The following MAF variants were observed in gnomAD, a reference collection of about 807,000 sequenced individuals.
MAF encodes MAF bZIP transcription factor.
MAF carries 10 observed loss-of-function variants against 22.0 expected under a neutral mutation model. That is an observed-to-expected ratio of 0.45 (90% CI 0.28 to 0.77). The LOEUF (loss-of-function observed/expected upper bound fraction) is 0.77, where lower values mean the gene tolerates loss of function less well. MAF is among the 30% of genes least tolerant of loss of function. The pLI is 0.12. For synonymous variants in MAF, 337 were observed against 255.8 expected (o/e 1.32, Z -3.03); for missense variants, 544 against 548.4 (o/e 0.99, Z 0.08).
chr16:79,571,111 TAA>T, the MAF span, among the ~76,000 whole-genome samples: 9 of 142,502 alleles, frequency 6.3e-5, no homozygotes, highest in African/African-American at 7.8e-5. Context: ...CATTTCCAGT[TAA>T]AAAAAAAAAA....
the MAF span, among the ~76,000 whole-genome samples, chr16:79,404,696 G>A: frequency 3.3e-4 from 50 of 151,550 alleles, no homozygotes; most frequent in Admixed American, 3.2e-3. Context: ...GACTGGGTAC[G>A]TCTCCCCAGT....
chr16:79,528,988 G>A, the MAF span, among the ~76,000 whole-genome samples: 4 of 152,320 alleles, frequency 2.6e-5, no homozygotes, highest in Admixed American at 2.6e-4. Flanking sequence ...TGTAAGAACA[G>A]AGCTTGGTGC....
At chr16:79,461,711 G>T in the MAF span, among the ~76,000 whole-genome samples, 29 of 152,124 alleles carry the variant, frequency 1.9e-4, no homozygotes, top group African/African-American at 5.8e-4. Context: ...TGTCCATGTG[G>T]TTACTGTTTG....
chr16:79,215,995 A>G, the MAF span, among the ~76,000 whole-genome samples: 4 of 152,134 alleles, frequency 2.6e-5, no homozygotes, highest in South Asian at 6.2e-4. Flanking sequence ...AGACACATCA[A>G]TCTTATTTCC....
At chr16:79,517,003 T>C in the MAF span, among the ~76,000 whole-genome samples, 1 of 152,388 alleles carries the variant, frequency 6.6e-6, no homozygotes, top group Non-Finnish European at 1.5e-5. Context: ...TTCTAGGATC[T>C]GTGAATGGAA....
At chr16:79,383,238 G>C in the MAF span, among the ~76,000 whole-genome samples, 5 of 152,074 alleles carry the variant, frequency 3.3e-5, no homozygotes, top group Admixed American at 2.0e-4. Flanking sequence ...GGGCAGGGTG[G>C]GGATAAGAGA....
chr16:79,478,970 G>A, the MAF span, among the ~76,000 whole-genome samples: 105 of 151,162 alleles, frequency 6.9e-4, no homozygotes, highest in Non-Finnish European at 1.0e-3. Context: ...TAATGCACCC[G>A]TGCACCACCT....
the MAF span, among the ~76,000 whole-genome samples, chr16:79,520,869 G>A: frequency 2.0e-5 from 3 of 152,058 alleles, no homozygotes; most frequent in East Asian, 1.9e-4. Flanking sequence ...ATGTGCCTGG[G>A]ACCCTGCTAA....
chr16:79,223,334 A>G, the MAF span, among the ~76,000 whole-genome samples: 1 of 152,230 alleles, frequency 6.6e-6, no homozygotes, highest in African/African-American at 2.4e-5. Flanking sequence ...GACACAATGT[A>G]GCAGAATCTC....
At chr16:79,408,968 A>G in the MAF span, among the ~76,000 whole-genome samples, 1 of 123,454 alleles carries the variant, frequency 8.1e-6, no homozygotes, top group African/African-American at 3.0e-5. Context: ...TTTTTTTTAA[A>G]TTAGGATTGC....
the MAF span, among the ~76,000 whole-genome samples, chr16:79,417,111 G>C: frequency 2.6e-5 from 4 of 152,126 alleles, no homozygotes; most frequent in Non-Finnish European, 4.4e-5. Context: ...AAGTTATTCA[G>C]CCAGGGGCAC....
chr16:79,508,009 G>A, the MAF span, among the ~76,000 whole-genome samples: 4 of 152,162 alleles, frequency 2.6e-5, no homozygotes, highest in Non-Finnish European at 5.9e-5. Context: ...AGAGGATGGT[G>A]GATCAGAGCA....
chr16:79,215,324 C>G, the MAF span, among the ~76,000 whole-genome samples: 1 of 152,132 alleles, frequency 6.6e-6, no homozygotes, highest in Non-Finnish European at 1.5e-5. Flanking sequence ...TTAAGCAATC[C>G]TCCCATTACA....
chr16:79,511,569 G>A, the MAF span, among the ~76,000 whole-genome samples: 1 of 152,346 alleles, frequency 6.6e-6, no homozygotes, highest in South Asian at 2.1e-4. Context: ...GGAGAGAGAT[G>A]TGTGCGGTGT....
the MAF span, among the ~76,000 whole-genome samples, chr16:79,248,945 A>G: frequency 6.6e-6 from 1 of 152,162 alleles, no homozygotes; most frequent in South Asian, 2.1e-4. Flanking sequence ...AGAACATTTA[A>G]AAATATATTT....
chr16:79,430,337 G>A, the MAF span, among the ~76,000 whole-genome samples: 2 of 152,190 alleles, frequency 1.3e-5, no homozygotes, highest in African/African-American at 4.8e-5. Flanking sequence ...ACCTTCCCCC[G>A]GGCTGAGCAG....
At chr16:79,516,410 C>T in the MAF span, 6 of 152,136 alleles carry the variant, frequency 3.9e-5, no homozygotes, top group African/African-American at 1.4e-4. Context: ...GATTTACAAA[C>T]CTTCTTTGTT....
At chr16:79,339,660 T>C in the MAF span, among the ~76,000 whole-genome samples, 19 of 152,302 alleles carry the variant, frequency 1.2e-4, no homozygotes, top group South Asian at 3.7e-3. Context: ...AAAATAACAA[T>C]ATTATTTGTT....
the MAF span, among the ~76,000 whole-genome samples, chr16:79,294,368 G>A: frequency 6.6e-6 from 1 of 152,096 alleles, no homozygotes; most frequent in African/African-American, 2.4e-5. Context: ...TTGATCAATA[G>A]GGCTTGTTTG....
Sources: allele counts gnomAD v4.1 joint callset (sites outside exome capture counted in the v4.1 genomes callset), GRCh38; gene constraint gnomAD v4.1.1; transcripts MANE v1.5; gene names NCBI Gene and HGNC (gene_info 2026-07-23, HGNC 2026-07-21).